The following NLRP14 variants were observed in gnomAD, a reference collection of about 807,000 sequenced individuals.
The protein encoded by NLRP14 is NACHT, LRR and PYD domains-containing protein 14.
Under a neutral mutation model 94.7 loss-of-function variants are expected in NLRP14, and 105 were observed. The observed-to-expected ratio is 1.11, with a 90% confidence interval of 0.95 to 1.30. NLRP14 has a LOEUF of 1.30. Among genes scored for constraint, NLRP14 ranks in the 50% most tolerant of loss-of-function variants. NLRP14 has a pLI of 0.00. For synonymous variants in NLRP14, 508 were observed against 459.9 expected (o/e 1.10, Z -1.34); for missense variants, 1,362 against 1,254.1 (o/e 1.09, Z -1.30).
intron 4 of NLRP14, among the ~76,000 whole-genome samples, chr11:7,046,289 C>CCTAATGGGTAGTGGTAG (rs1852348125): frequency 6.6e-6 from 1 of 152,156 alleles, no homozygotes; most frequent in African/African-American, 2.4e-5. Context: ...TACCACTTTA[C>CCTAATGGGTAGTGGTAG]ACCTAATGTC....
At position 7,042,843 on chromosome 11, in the gene NLRP14, T is replaced by A; in HGVS notation, c.817T>A (p.Phe273Ile). 6.2e-7 allele frequency: 1 copy of A among 1,614,050 alleles called. No homozygotes were observed. The highest frequency in any genetic ancestry group is 8.5e-7 in the Non-Finnish European group (1 of 1,180,010). ...GAACTTTGCCTTTGAAGAACCTGAG[T>A]TTGCACTGTGCGAAGACTGGACCCA... Reference protein sequence around the residue: ...ELNFAFEEPEFALCEDWTQEH... With the variant: ...ELNFAFEEPEIALCEDWTQEH... Residue 273 changes from phenylalanine to isoleucine, a missense_variant, in exon 4 of 12, where the codon TTT becomes ATT. Transcript: ENST00000299481.
At chr11:7,070,018 A>C (rs1852767501) in intron 10 of NLRP14, among the ~76,000 whole-genome samples, 1 of 152,192 alleles carries the variant, frequency 6.6e-6, no homozygotes, top group African/African-American at 2.4e-5. Context: ...CAACTGCTTC[A>C]TAGTATTTTG....
At chr11:7,083,672 T>C in the NLRP14 span, among the ~76,000 whole-genome samples, 2 of 152,194 alleles carry the variant, frequency 1.3e-5, 1 homozygote, top group Non-Finnish European at 2.9e-5. Flanking sequence ...AAGAGGAATA[T>C]GTCTAGAGTT....
intron 1 of NLRP14, among the ~76,000 whole-genome samples, chr11:7,022,060 A>G (rs1425629827): frequency 6.6e-6 from 1 of 152,180 alleles, no homozygotes; most frequent in Non-Finnish European, 1.5e-5. Context: ...AAAGAGCACC[A>G]AGTATAGCAT....
chr11:7,037,280 C>T (rs1038776065), intron 1 of NLRP14, among the ~76,000 whole-genome samples: 2 of 152,254 alleles, frequency 1.3e-5, no homozygotes, highest in East Asian at 3.9e-4. Context: ...AAACAAACAA[C>T]CTTAAAACAG....
In NLRP14 at chr11:7,049,796, G is replaced by A. The variant is rs186983128; in HGVS notation, c.2249G>A (p.Cys750Tyr). The A allele has an allele frequency of 4.1e-4, 663 of 1,612,256 alleles. 11 individuals are homozygous for A. In the East Asian group the frequency reaches 0.012, roughly 29 times the overall value. ...DIGDNGVKSL[C>Y]EALKHPECKL... ...GGGGATAATGGAGTAAAGTCATTGT[G>A]TGAGGCCTTGAAACACCCAGAGTGT... Residue 750 changes from cysteine to tyrosine, a missense_variant, in exon 6 of 12, where the codon TGT becomes TAT. Transcript: ENST00000299481.
chr11:7,071,255 C>T lies in NLRP14; in HGVS notation c.3229C>T (p.Pro1077Ser). Residue 1077 changes from proline (P) to serine (S), a missense_variant, in exon 12 of 12, where the codon CCA (proline) becomes TCA (serine). Transcript: ENST00000299481. ...TAGCAATCCACACTTAATCATTAAG[C>T]CAGATTGTAACTATCATAATGAAGA... ...GVSNPHLIIK[P>S]DCNYHNEEDV... is the part of the protein sequence containing the mutation. 6.2e-7 allele frequency: 1 copy of T among 1,612,288 alleles called. No individual in the cohort carries two copies. The highest frequency in any genetic ancestry group is 8.5e-7 in the Non-Finnish European group (1 of 1,179,164).
chr11:7,067,771 G>A (rs559686784), intron 10 of NLRP14, among the ~76,000 whole-genome samples: 1 of 152,070 alleles, frequency 6.6e-6, no homozygotes, highest in Non-Finnish European at 1.5e-5. Flanking sequence ...AATTTCTTTT[G>A]CAGTCTTCAT....
At chr11:7,069,099 G>C (rs747132535) in intron 10 of NLRP14, among the ~76,000 whole-genome samples, 1 of 151,976 alleles carries the variant, frequency 6.6e-6, no homozygotes, top group Admixed American at 6.6e-5. Flanking sequence ...AGTTCTGTTC[G>C]TTTCTGTCTT....
intron 6 of NLRP14, 124 bp downstream of exon 6, chr11:7,049,962 G>T: frequency 1.2e-6 from 1 of 819,506 alleles, no homozygotes; most frequent in African/African-American, 1.7e-5. Context: ...TCATGATATG[G>T]GGTAGCAAGC....
intron 1 of NLRP14, among the ~76,000 whole-genome samples, chr11:7,034,708 T>C (rs1852139081): frequency 6.6e-6 from 1 of 152,222 alleles, no homozygotes; most frequent in Non-Finnish European, 1.5e-5. Flanking sequence ...CCTTACTGTG[T>C]CCAAACTGGT....
At chr11:7,041,748 A>T (rs1271100330) in intron 3 of NLRP14, among the ~76,000 whole-genome samples, 1 of 152,182 alleles carries the variant, frequency 6.6e-6, no homozygotes, top group Non-Finnish European at 1.5e-5. Context: ...TAAAAAGGGG[A>T]AGTAGTCTAG....
At chr11:7,074,580 A>G (rs1430328068), downstream of NLRP14, among the ~76,000 whole-genome samples, 1 of 152,222 alleles carries the variant, frequency 6.6e-6, no homozygotes, top group Non-Finnish European at 1.5e-5. Flanking sequence ...AAATTCTTAT[A>G]TTTCTGAAAC....
At chr11:7,056,781 A>C (rs1356989573) in intron 6 of NLRP14, among the ~76,000 whole-genome samples, 1 of 152,018 alleles carries the variant, frequency 6.6e-6, no homozygotes, top group Admixed American at 6.6e-5. Flanking sequence ...AGAAACTTCC[A>C]AGTAATTTTT....
chr11:7,051,431 T>C (rs1166298565), intron 6 of NLRP14, among the ~76,000 whole-genome samples: 2 of 152,232 alleles, frequency 1.3e-5, no homozygotes. Context: ...TTTGATGTTA[T>C]ACTCTCTCTG....
chr11:7,059,970 C>A lies in NLRP14; in HGVS notation c.2710C>A (p.His904Asn). Residue 904 changes from histidine (H) to asparagine (N), a missense_variant, in exon 9 of 12, where the codon CAT (histidine) becomes AAT (asparagine). Coordinates refer to ENST00000299481, the MANE Select transcript of NLRP14 (RefSeq NM_176822.4). ...TSLLHNKSLT[H>N]LDLGSNWLQD... is the part of the protein sequence containing the mutation. ...TCTTCTACACAACAAGAGCCTGACG[C>A]ATCTGGATCTAGGATCAAACTGGCT... 1 of 1,612,582 alleles carries A rather than the reference C, an allele frequency of 6.2e-7. No individual in the cohort carries two copies. The highest frequency in any genetic ancestry group is 8.5e-7 in the Non-Finnish European group (1 of 1,178,808).
At chr11:7,054,561 T>C (rs1057505526) in intron 6 of NLRP14, among the ~76,000 whole-genome samples, 2 of 152,188 alleles carry the variant, frequency 1.3e-5, no homozygotes, top group Admixed American at 6.5e-5. Flanking sequence ...TTATTAATGA[T>C]GTTGAGCATC....
chr11:7,084,992 G>T, the NLRP14 span, among the ~76,000 whole-genome samples: 93 of 152,286 alleles, frequency 6.1e-4, no homozygotes, highest in East Asian at 0.017. Flanking sequence ...ATTGGTTGGT[G>T]AGGGGAAAAA....
At chr11:7,069,450 C>T (rs1453416713) in intron 10 of NLRP14, among the ~76,000 whole-genome samples, 3 of 152,260 alleles carry the variant, frequency 2.0e-5, no homozygotes, top group Middle Eastern at 3.4e-3. Flanking sequence ...ATACTATTAT[C>T]GGCTTGTGCA....
Sources: gnomAD v4.1 joint callset for allele counts (sites outside exome capture counted in the v4.1 genomes callset) on GRCh38, gnomAD v4.1.1 for gene constraint, MANE v1.5 for transcripts, NCBI Gene and HGNC (gene_info 2026-07-23, HGNC 2026-07-21) for gene names.